PKD2L1: variants seen among roughly 807,000 people sequenced by gnomAD.
PKD2L1 encodes polycystin-2-like protein 1.
A neutral mutation model predicts 93.0 loss-of-function variants in PKD2L1; 77 were observed. The ratio of observed to expected loss-of-function variants is 0.83; its 90% CI spans 0.69 to 1.00. The LOEUF (loss-of-function observed/expected upper bound fraction) is 1.00. PKD2L1 is among the 50% of genes least tolerant of loss of function. PKD2L1 has a pLI of 0.00. For missense variants in PKD2L1, 977 were observed against 990.9 expected (o/e 0.99, Z 0.19); for synonymous variants, 390 against 388.0 (o/e 1.01, Z -0.06).
Position 100,290,114 on chromosome 10 carries a change from C to T in PKD2L1, c.2151G>A (p.Leu717=). 6.2e-7 allele frequency: 1 copy of T among 1,614,116 alleles called. No individual in the cohort carries two copies. Among genetic ancestry groups the T allele is most frequent in the Admixed American group, 1.7e-5 (1 of 60,020 alleles). Residue 717 remains leucine (L), a synonymous_variant, in exon 14 of 16, where the codon CTG becomes CTA. Transcript: ENST00000318222. The part of the protein sequence containing the change: ...FYMLTRRVLQ[L]ETVLEGVVSQ... ...ACACTACTCCTTCCAGGACAGTCTC[C>T]AGCTGCAGAACTCTCCTTGTGAGCC...
At chr10:100,292,462 C>T (rs1848425296) in intron 11 of PKD2L1, among the ~76,000 whole-genome samples, 1 of 150,526 alleles carries the variant, frequency 6.6e-6, no homozygotes, top group South Asian at 2.1e-4. Flanking sequence ...AACTGCACTC[C>T]AGCCTGGGCA....
chr10:100,330,123 C>G lies in PKD2L1; in HGVS notation c.-20G>C, dbSNP rs199881343. On this transcript the variant is annotated 5_prime_UTR_variant, in exon 1 of 16. Transcript: ENST00000318222. ...ATTCATGGGGAATGAGGTGGGGGGG[C>G]CCGGTACCCCAGGTGCCCACTCTCA... 1.4e-6 allele frequency: 2 copies of G among 1,469,898 alleles called. No individual in the cohort carries two copies. Among genetic ancestry groups the G allele is most frequent in the Admixed American group, 3.9e-5 (2 of 51,628 alleles). 91.1% of individuals were successfully genotyped at this position (1,469,898 alleles called of 1,614,324 possible). A position where few individuals can be genotyped will look rare whatever the true frequency, so the allele number is the denominator to read the frequency against.
chr10:100,297,366 G>C lies in PKD2L1; in HGVS notation c.956+16C>G. On this transcript the variant is annotated intron_variant, in intron 5 of 15. Transcript: ENST00000318222. ...GAGCCATGGACAGGGTGATAAAGTAGGGAAAGGGGGCTCACCTCAGGACAC... is the reference window on the plus strand; with the variant it reads ...GAGCCATGGACAGGGTGATAAAGTACGGAAAGGGGGCTCACCTCAGGACAC... The C allele has an allele frequency of 6.2e-7, 1 of 1,603,658 alleles. No individual in the cohort carries two copies. The highest frequency in any genetic ancestry group is 8.5e-7 in the Non-Finnish European group (1 of 1,170,556).
chr10:100,316,455 G>A (rs952936417), intron 2 of PKD2L1, among the ~76,000 whole-genome samples: 21 of 152,220 alleles, frequency 1.4e-4, no homozygotes, highest in African/African-American at 5.1e-4. Context: ...ACAGGTGTGA[G>A]CCATCTTGCC....
intron 2 of PKD2L1, among the ~76,000 whole-genome samples, chr10:100,325,681 A>T (rs899765984): frequency 6.6e-6 from 1 of 152,114 alleles, no homozygotes; most frequent in East Asian, 1.9e-4. Flanking sequence ...AGGTTTTCCG[A>T]GGTTTAAAGG....
Position 100,288,292 on chromosome 10 carries a change from T to C in PKD2L1, c.*104A>G. 1 of 738,236 alleles carries C rather than the reference T, an allele frequency of 1.4e-6. No homozygotes were observed. Among genetic ancestry groups the C allele is most frequent in the Non-Finnish European group, 2.4e-6 (1 of 411,530 alleles). 45.7% of individuals were successfully genotyped at this position (738,236 alleles called of 1,614,324 possible). On this transcript the variant is annotated 3_prime_UTR_variant, in exon 16 of 16. Coordinates refer to ENST00000318222, the MANE Select transcript of PKD2L1 (RefSeq NM_016112.3). The stretch of plus-strand genomic sequence containing the variant: ...TGCCTGATTCCCTTCAGGCTCCATT[T>C]TTATCTCCTGGTTAAAGCCCACTCA...
At position 100,297,514 on chromosome 10, in the gene PKD2L1, G is replaced by A; in HGVS notation, c.824C>T (p.Pro275Leu). 6.2e-7 allele frequency: 1 copy of A among 1,614,122 alleles called. No individual in the cohort carries two copies. Among genetic ancestry groups the A allele is most frequent in the Non-Finnish European group, 8.5e-7 (1 of 1,179,994 alleles). The change falls in exon 5 of 16, where the codon CCA becomes CTA. Residue 275 changes from proline to leucine, a missense_variant. Physicochemically the swap from Pro to Leu is moderately conservative, Grantham distance 98. Transcript: ENST00000318222. ...YSGGGYYLDL[P>L]GSRQGSAEAL... ...CTCTGCACTACCCTGTCGGGATCCT[G>A]GAAGGTCCAGGTAGTAGCCACCTCC...
rs1388783776 is a variant in PKD2L1, at chr10:100,295,118, G to C, written c.1362C>G (p.Phe454Leu). 6.2e-7 allele frequency: 1 copy of C among 1,613,246 alleles called. No individual in the cohort carries two copies. Among genetic ancestry groups the C allele is most frequent in the Non-Finnish European group, 8.5e-7 (1 of 1,179,464 alleles). The change falls in exon 8 of 16, where the codon TTC becomes TTG. Residue 454 changes from phenylalanine to leucine, a missense_variant. By Grantham distance (22) the Phe-to-Leu change is conservative. Transcript: ENST00000318222. The stretch of plus-strand genomic sequence containing the variant: ...TGGTTTTGTTGAAGCTGATGTACTT[G>C]AATATCTGGAAGGACCATGTTGAAC... ...VNLFFAWIKI[F>L]KYISFNKTMT... is the part of the protein sequence containing the mutation.
rs1848381641 is a variant in PKD2L1, at chr10:100,290,444, C to A, written c.2083G>T (p.Ala695Ser). ...GAAACCCAGCCTCCTGCTCTGGCAGCCTCTGGACCCGATTTGCCTTGTGGG... is the reference window on the plus strand; with the variant it reads ...GAAACCCAGCCTCCTGCTCTGGCAGACTCTGGACCCGATTTGCCTTGTGGG... Reference protein sequence around the residue: ...SSPQGKSGPEAARAGGWVSGE... With the variant: ...SSPQGKSGPESARAGGWVSGE... Residue 695 changes from alanine to serine, a missense_variant, in exon 13 of 16, where the codon GCT becomes TCT. Transcript: ENST00000318222. The A allele has an allele frequency of 1.2e-6, 2 of 1,613,584 alleles. No homozygotes were observed. Among genetic ancestry groups the A allele is most frequent in the African/African-American group, 1.3e-5 (1 of 74,928 alleles).
intron 2 of PKD2L1, 142 bp from the exon 3 acceptor site, chr10:100,299,860 C>G (rs1159970527): frequency 1.5e-6 from 1 of 685,204 alleles, no homozygotes; most frequent in African/African-American, 1.8e-5. Flanking sequence ...TGGTTAGGAG[C>G]CTAATGGTGG....
chr10:100,301,830 T>C (rs1255546682), intron 2 of PKD2L1, among the ~76,000 whole-genome samples: 2 of 152,180 alleles, frequency 1.3e-5, no homozygotes, highest in Non-Finnish European at 2.9e-5. Flanking sequence ...GGGGAAGTGA[T>C]AAATGTCCAT....
intron 2 of PKD2L1, among the ~76,000 whole-genome samples, chr10:100,302,256 T>TACACACACAC (rs56239118): frequency 1.4e-5 from 2 of 147,020 alleles, no homozygotes; most frequent in Non-Finnish European, 3.0e-5. Context: ...CACACACGCA[T>TACACACACAC]ACACACACAC....
chr10:100,324,789 T>G (rs1436418348), intron 2 of PKD2L1, among the ~76,000 whole-genome samples: 1 of 152,218 alleles, frequency 6.6e-6, no homozygotes, highest in African/African-American at 2.4e-5. Context: ...AATGTTTTTA[T>G]GTTTTCATCA....
At chr10:100,319,246 C>T (rs955036520) in intron 2 of PKD2L1, among the ~76,000 whole-genome samples, 6 of 152,204 alleles carry the variant, frequency 3.9e-5, no homozygotes, top group African/African-American at 1.2e-4. Context: ...CTACTAAATA[C>T]CTAATTTGTT....
rs548550395 is a variant in PKD2L1, at chr10:100,330,226, T to C, written c.-123A>G. 1 of 593,014 alleles carries C rather than the reference T, an allele frequency of 1.7e-6. No individual in the cohort carries two copies. Among genetic ancestry groups the C allele is most frequent in the Non-Finnish European group, 2.9e-6 (1 of 340,768 alleles). 36.7% of individuals were successfully genotyped at this position (593,014 alleles called of 1,614,324 possible). ...ATGGAAAGGCGTCTGAGAGCAGCTG[T>C]TTCCACACAGCCTGGGCTCCTGCCT... On this transcript the variant is annotated 5_prime_UTR_variant, in exon 1 of 16. Transcript: ENST00000318222.
intron 2 of PKD2L1, among the ~76,000 whole-genome samples, chr10:100,309,561 C>G (rs746614715): frequency 1.1e-4 from 17 of 152,144 alleles, no homozygotes; most frequent in Non-Finnish European, 1.6e-4. Context: ...TGGATCATCT[C>G]ACATATGTTG....
chr10:100,290,428 C>T lies in PKD2L1; in HGVS notation c.2099G>A (p.Gly700Asp). The stretch of plus-strand genomic sequence containing the variant: ...GTAGAATTCTTCTCCTGAAACCCAG[C>T]CTCCTGCTCTGGCAGCCTCTGGACC... ...KSGPEAARAG[G>D]WVSGEEFYML... is the part of the protein sequence containing the mutation. The change falls in exon 13 of 16, where the codon GGC becomes GAC. Residue 700 changes from glycine (G) to aspartate (D), a missense_variant. Transcript: ENST00000318222. 6.2e-7 allele frequency: 1 copy of T among 1,613,180 alleles called. No homozygotes were observed. The highest frequency in any genetic ancestry group is 8.5e-7 in the Non-Finnish European group (1 of 1,179,634).
intron 2 of PKD2L1, among the ~76,000 whole-genome samples, chr10:100,306,874 G>T (rs199671699): frequency 2.7e-5 from 2 of 73,266 alleles, no homozygotes; most frequent in Admixed American, 3.0e-4. Context: ...AAAAAAAAAA[G>T]AAAGAGAGAG....
At chr10:100,314,219 A>G (rs529565454) in intron 2 of PKD2L1, among the ~76,000 whole-genome samples, 126 of 152,330 alleles carry the variant, frequency 8.3e-4, no homozygotes, top group Non-Finnish European at 1.4e-3. Flanking sequence ...TTCAAGAACC[A>G]AAAGTGGAAA....
Sources: allele counts gnomAD v4.1 joint callset (sites outside exome capture counted in the v4.1 genomes callset), GRCh38; gene constraint gnomAD v4.1.1; transcripts MANE v1.5; gene names NCBI Gene and HGNC (gene_info 2026-07-23, HGNC 2026-07-21).